GCNT2: variants seen among roughly 807,000 people sequenced by gnomAD.
GCNT2 encodes the protein N-acetyllactosaminide beta-1,6-N-acetylglucosaminyl-transferase.
Under a neutral mutation model 34.2 loss-of-function variants are expected in GCNT2, and 34 were observed. The ratio of observed to expected loss-of-function variants is 1.00; its 90% confidence interval spans 0.76 to 1.32. The LOEUF (loss-of-function observed/expected upper bound fraction) is 1.32, where lower values mean the gene tolerates loss of function less well. Among genes scored for constraint, GCNT2 ranks in the 40% most tolerant of loss-of-function variants. The pLI, the probability that GCNT2 is intolerant of heterozygous loss-of-function variation, is 0.00. For missense variants in GCNT2, 584 were observed against 489.4 expected (o/e 1.19, Z -1.82); for synonymous variants, 212 against 188.0 (o/e 1.13, Z -1.04).
chr6:10,614,054 A>G (rs951190817), intron 3 of GCNT2, among the ~76,000 whole-genome samples: 9 of 152,180 alleles, frequency 5.9e-5, no homozygotes, highest in East Asian at 3.9e-4. Context: ...TGGGATCTCC[A>G]TGTATCTTTC....
intron 3 of GCNT2, among the ~76,000 whole-genome samples, chr6:10,587,100 A>C (rs1301435498): frequency 2.0e-5 from 3 of 152,256 alleles, no homozygotes; most frequent in Non-Finnish European, 2.9e-5. Flanking sequence ...ATAGTGATCT[A>C]AGAAATGCTG....
Position 10,626,481 on chromosome 6 carries a change from A to G in GCNT2, c.1083A>G (p.Pro361=), listed in dbSNP as rs1766261040. The G allele has an allele frequency of 1.2e-6, 2 of 1,612,868 alleles. No homozygotes were observed. Among genetic ancestry groups the G allele is most frequent in the East Asian group, 2.2e-5 (1 of 44,878 alleles). ...NGDLKWLVNS[P]SLFANKFELN... The stretch of plus-strand genomic sequence containing the variant: ...ACTTAAAGTGGCTGGTTAATTCACC[A>G]AGCCTGTTTGCTAACAAGTTTGAGC... Residue 361 remains proline (P), a synonymous_variant, in exon 5 of 5, where the codon CCA becomes CCG. Coordinates refer to ENST00000495262, the MANE Select transcript of GCNT2 (RefSeq NM_145649.5).
intron 3 of GCNT2, among the ~76,000 whole-genome samples, chr6:10,535,016 T>C (rs1334102171): frequency 1.3e-5 from 2 of 152,088 alleles, no homozygotes; most frequent in East Asian, 3.9e-4. Flanking sequence ...AAACCCCGTT[T>C]CTACTAAAAA....
intron 3 of GCNT2, among the ~76,000 whole-genome samples, chr6:10,599,558 A>G (rs749505501): frequency 6.6e-5 from 10 of 152,186 alleles, no homozygotes; most frequent in African/African-American, 2.4e-4. Flanking sequence ...ACATGAGGCC[A>G]TGTACCTTCA....
intron 3 of GCNT2, among the ~76,000 whole-genome samples, chr6:10,572,525 G>A (rs1192456145): frequency 6.6e-6 from 1 of 152,132 alleles, no homozygotes; most frequent in Non-Finnish European, 1.5e-5. Flanking sequence ...GAAGTCAGGA[G>A]ATCGAGACCA....
At chr6:10,597,572 G>C (rs572047561) in intron 3 of GCNT2, among the ~76,000 whole-genome samples, 2 of 151,994 alleles carry the variant, frequency 1.3e-5, no homozygotes, top group Non-Finnish European at 2.9e-5. Context: ...TTTGTAAAAG[G>C]GCTAGAAGAA....
chr6:10,602,113 A>G (rs898748862), intron 3 of GCNT2, among the ~76,000 whole-genome samples: 5 of 152,124 alleles, frequency 3.3e-5, no homozygotes, highest in African/African-American at 7.2e-5. Flanking sequence ...TTATTTTACA[A>G]AGTTATTTAA....
chr6:10,621,360 G>C lies in GCNT2; in HGVS notation c.935G>C (p.Gly312Ala), dbSNP rs777441702. The C allele has an allele frequency of 9.9e-6, 16 of 1,609,314 alleles. No homozygotes were observed. Among genetic ancestry groups the C allele is most frequent in the Non-Finnish European group, 1.3e-5 (15 of 1,175,902 alleles). Residue 312 changes from glycine (G) to alanine (A), a missense_variant, in exon 4 of 5, where the codon GGC (glycine) becomes GCC (alanine). Transcript: ENST00000495262. ...TTTATCAACATTGCAGGTGTTCCTG[G>C]CTCTATGCCAAATGCATCCTGGACT... ...VTLNRIPGVP[G>A]SMPNASWTGN...
Position 10,626,655 on chromosome 6 carries a change from A to G in GCNT2, c.*48A>G. ...CTGAAGGGAAACTGCAGCTGGGAAG[A>G]GGAGCCTGTTTTTGTGAGAGACTTT... On this transcript the variant is annotated 3_prime_UTR_variant, in exon 5 of 5. Coordinates refer to ENST00000495262, the MANE Select transcript of GCNT2 (RefSeq NM_145649.5). 7.0e-7 allele frequency: 1 copy of G among 1,418,610 alleles called. No individual in the cohort carries two copies. The highest frequency in any genetic ancestry group is 1.0e-6 in the Non-Finnish European group (1 of 1,002,656). The allele number at this position is 1,418,610 out of a possible 1,614,324, so 87.9% of individuals were successfully genotyped here. A position where few individuals can be genotyped will look rare whatever the true frequency, so the allele number is the denominator to read the frequency against.
chr6:10,626,342 C>T, intron 4 of GCNT2, 75 bp from the exon 5 acceptor site: 1 of 1,027,118 alleles, frequency 9.7e-7, no homozygotes, highest in Non-Finnish European at 1.5e-6. Flanking sequence ...GAGAGTACCT[C>T]TAGTATTCTG....
chr6:10,560,379 C>T (rs1561799914), intron 3 of GCNT2, among the ~76,000 whole-genome samples: 1 of 152,214 alleles, frequency 6.6e-6, no homozygotes. Flanking sequence ...GCATGAGCCA[C>T]TGCGCCGGGC....
At chr6:10,554,868 TAC>T (rs143705943) in intron 3 of GCNT2, among the ~76,000 whole-genome samples, 212 of 152,234 alleles carry the variant, frequency 1.4e-3, no homozygotes, top group African/African-American at 4.6e-3. Flanking sequence ...AAAAATAATG[TAC>T]AAGCTGGAAA....
chr6:10,535,117 G>C (rs941253322), intron 3 of GCNT2, among the ~76,000 whole-genome samples: 3 of 152,162 alleles, frequency 2.0e-5, no homozygotes, highest in Non-Finnish European at 4.4e-5. Flanking sequence ...CTGGGAGGCG[G>C]AGGTTGCAAT....
intron 3 of GCNT2, among the ~76,000 whole-genome samples, chr6:10,571,361 T>A (rs770066647): frequency 4.6e-5 from 7 of 151,886 alleles, no homozygotes; most frequent in Admixed American, 1.3e-4. Flanking sequence ...TATTATTATT[T>A]TTTGAGACAG....
chr6:10,530,397 T>A (rs1478744784), intron 3 of GCNT2: 1 of 152,934 alleles, frequency 6.5e-6, no homozygotes, highest in Non-Finnish European at 1.5e-5. Context: ...GTAAACCTTA[T>A]TCTCCTTTAA....
intron 3 of GCNT2, among the ~76,000 whole-genome samples, chr6:10,593,576 GATT>G: frequency 6.6e-6 from 1 of 152,204 alleles, no homozygotes. Flanking sequence ...GGGCTCAATT[GATT>G]CTCTCCTCAG....
rs1761321123 is a variant in GCNT2 at position 10,528,780 on chromosome 6, C to T, written c.-132C>T. The T allele has an allele frequency of 5.2e-6, 4 of 763,126 alleles. No homozygotes were observed. Among genetic ancestry groups the T allele is most frequent in the African/African-American group, 1.7e-5 (1 of 58,572 alleles). 47.3% of individuals were successfully genotyped at this position (763,126 alleles called of 1,614,324 possible). ...GGACCAGAACCGTGAACTGAAGGGA[C>T]AGGGAACAGCCAGACGAGAGCTTCA... On this transcript the variant is annotated 5_prime_UTR_variant, in exon 3 of 5. Coordinates refer to ENST00000495262, the MANE Select transcript of GCNT2 (RefSeq NM_145649.5).
At chr6:10,545,366 A>C (rs1386975428) in intron 3 of GCNT2, among the ~76,000 whole-genome samples, 2 of 151,944 alleles carry the variant, frequency 1.3e-5, no homozygotes, top group Non-Finnish European at 2.9e-5. Context: ...GTTTTGTTTA[A>C]ATCCACATCA....
rs560468074 is a variant in GCNT2 at position 10,539,726 on chromosome 6, AAAAC to A, written c.925+9894_925+9897del. ...GATTCTAAAAATTCTATGTGCAACTAAAACAAAAAACAAAACCTTCTAACATTTG... is the reference window on the plus strand; with the variant it reads ...GATTCTAAAAATTCTATGTGCAACTAAAAAAACAAAACCTTCTAACATTTG... On this transcript the variant is annotated intron_variant, in intron 3 of 4. Transcript: ENST00000495262. Among the ~76,000 whole-genome samples the A allele has an allele frequency of 1.8e-3, 268 of 152,336 alleles. 3 individuals carry two copies. Among genetic ancestry groups the A allele is most frequent in the African/African-American group, 6.1e-3 (253 of 41,582 alleles).
Sources: allele counts gnomAD v4.1 joint callset (sites outside exome capture counted in the v4.1 genomes callset), GRCh38; gene constraint gnomAD v4.1.1; transcripts MANE v1.5; gene names NCBI Gene and HGNC (gene_info 2026-07-23, HGNC 2026-07-21).